Variants in ZFPM2 observed in about 807,000 individuals in gnomAD.
ZFPM2 encodes zinc finger protein ZFPM2.
In ZFPM2, 20 loss-of-function variants were observed where a neutral mutation model predicts 98.6. The observed-to-expected ratio is 0.20, with a 90% CI of 0.14 to 0.29. The LOEUF is 0.29. Ranked by LOEUF, ZFPM2 falls within the 10% of genes least tolerant of loss-of-function variation. The pLI is 1.00. For missense variants in ZFPM2, 1,310 were observed against 1,388.6 expected, an observed-to-expected ratio of 0.94 and a Z score of 0.90; for synonymous variants, 518 against 502.7, an observed-to-expected ratio of 1.03 and a Z score of -0.41.
chr8:105,713,471 T>C (rs1023456808), intron 5 of ZFPM2, among the ~76,000 whole-genome samples: 1 of 152,116 alleles, frequency 6.6e-6, no homozygotes, highest in Non-Finnish European at 1.5e-5. Flanking sequence ...TTCTGTAGGT[T>C]GTTTACCCTG....
At chr8:105,396,175 A>G (rs1811214721) in intron 1 of ZFPM2, among the ~76,000 whole-genome samples, 1 of 152,242 alleles carries the variant, frequency 6.6e-6, no homozygotes, top group African/African-American at 2.4e-5. Context: ...ATGATAGGAA[A>G]CAAAGAAGGA....
Position 105,452,332 on chromosome 8 carries a change from G to A in ZFPM2, c.301+7951G>A, listed in dbSNP as rs544342873. ...ACAGGGTTTTACTGTGTTCTTTCTC[G>A]TTGAACCATAATTCAGCTTAGAATG... On this transcript the variant is annotated intron_variant, in intron 3 of 7. Transcript: ENST00000407775. 2.5e-4 allele frequency among the ~76,000 whole-genome samples: 38 copies of A among 152,214 alleles called. No homozygotes were observed. In the South Asian group the frequency reaches 5.0e-3, roughly 20 times the overall value.
intron 5 of ZFPM2, 36 bp from the exon 6 acceptor site, chr8:105,788,682 T>C (rs1400587300): frequency 6.3e-7 from 1 of 1,599,110 alleles, no homozygotes. Context: ...AAGCATCCTA[T>C]GTCAATTTTA....
chr8:105,437,281 A>G (rs1265516956), intron 2 of ZFPM2, among the ~76,000 whole-genome samples: 1 of 152,194 alleles, frequency 6.6e-6, no homozygotes. Flanking sequence ...TATTTTCAGT[A>G]TCTCTAATTA....
At chr8:105,530,982 G>A (rs1224585507) in intron 3 of ZFPM2, among the ~76,000 whole-genome samples, 2 of 152,126 alleles carry the variant, frequency 1.3e-5, no homozygotes, top group Non-Finnish European at 2.9e-5. Flanking sequence ...TATATTTAAT[G>A]AAGTGTTGAT....
At chr8:105,756,708 A>C (rs1484797542) in intron 5 of ZFPM2, among the ~76,000 whole-genome samples, 1 of 152,144 alleles carries the variant, frequency 6.6e-6, no homozygotes, top group African/African-American at 2.4e-5. Flanking sequence ...GAAAATGCTG[A>C]GTTTGGTAGC....
At chr8:105,724,123 C>G (rs1563537584) in intron 5 of ZFPM2, among the ~76,000 whole-genome samples, 1 of 151,790 alleles carries the variant, frequency 6.6e-6, no homozygotes, top group Non-Finnish European at 1.5e-5. Flanking sequence ...CATATTAGAT[C>G]TATAGGTATT....
At chr8:105,691,031 T>C (rs1262898718) in intron 5 of ZFPM2, 1 of 152,152 alleles carries the variant, frequency 6.6e-6, no homozygotes, top group Admixed American at 6.6e-5. Flanking sequence ...TCTGTCTGAC[T>C]CTAGAGCTCC....
intron 1 of ZFPM2, among the ~76,000 whole-genome samples, chr8:105,380,669 ATATATATTATATATATAT>A (rs1810840809): frequency 4.6e-5 from 1 of 21,784 alleles, no homozygotes; most frequent in Non-Finnish European, 7.4e-5. Flanking sequence ...TATATATAAC[ATATATATTATATATATAT>A]TATATATAAC....
intron 4 of ZFPM2, among the ~76,000 whole-genome samples, chr8:105,592,070 A>G (rs1190697777): frequency 6.6e-6 from 1 of 152,112 alleles, no homozygotes; most frequent in African/African-American, 2.4e-5. Context: ...CCTCTGAAAA[A>G]TGGTTAAATT....
At chr8:105,742,888 A>G (rs2131036440) in intron 5 of ZFPM2, among the ~76,000 whole-genome samples, 1 of 152,250 alleles carries the variant, frequency 6.6e-6, no homozygotes, top group Admixed American at 6.5e-5. Context: ...TCCATCTCAG[A>G]CAAACAAACG....
intron 3 of ZFPM2, among the ~76,000 whole-genome samples, chr8:105,450,617 A>G (rs1052906943): frequency 6.6e-6 from 1 of 152,094 alleles, no homozygotes; most frequent in African/African-American, 2.4e-5. Flanking sequence ...CCGGATGAAG[A>G]TAAGAGCTCT....
At position 105,677,020 on chromosome 8, in the gene ZFPM2, G is replaced by A. The variant is rs1291170672; in HGVS notation, c.532+42663G>A. Among the ~76,000 whole-genome samples, 3 of 152,056 alleles carry A rather than the reference G, an allele frequency of 2.0e-5. No individual in the cohort carries two copies. The East Asian group carries it at 5.8e-4, about 29-fold the overall frequency. ...CAGAAAAAATATTAAAGATGGACTA[G>A]TTTTTCAGTCCAGGTATATTAGATA... On this transcript the variant is annotated intron_variant, in intron 5 of 7. Transcript: ENST00000407775.
At chr8:105,593,395 G>GA (rs1038303591) in intron 4 of ZFPM2, among the ~76,000 whole-genome samples, 10 of 150,242 alleles carry the variant, frequency 6.7e-5, no homozygotes, top group East Asian at 3.9e-4. Context: ...ATAGAATTCT[G>GA]AAAAAAAAAT....
intron 4 of ZFPM2, among the ~76,000 whole-genome samples, chr8:105,582,956 T>G (rs1486251033): frequency 1.3e-5 from 2 of 152,214 alleles, no homozygotes; most frequent in Non-Finnish European, 2.9e-5. Context: ...TGACTGTCTA[T>G]GTTGCTCGTT....
At chr8:105,629,285 G>A (rs549505225) in intron 4 of ZFPM2, among the ~76,000 whole-genome samples, 6 of 152,322 alleles carry the variant, frequency 3.9e-5, no homozygotes, top group Non-Finnish European at 4.4e-5. Context: ...CCCCTGTTGC[G>A]AGTCCTGTGA....
chr8:105,570,107 G>T (rs758136012), intron 4 of ZFPM2, among the ~76,000 whole-genome samples: 3 of 152,026 alleles, frequency 2.0e-5, no homozygotes, highest in Non-Finnish European at 2.9e-5. Context: ...GGAGGTTGTA[G>T]ATTTGTCCCT....
At chr8:105,708,234 T>C (rs977415630) in intron 5 of ZFPM2, among the ~76,000 whole-genome samples, 2 of 152,204 alleles carry the variant, frequency 1.3e-5, no homozygotes, top group African/African-American at 4.8e-5. Context: ...TGGAGAATCA[T>C]CATATTACAT....
At chr8:105,576,856 C>A (rs1291313535) in intron 4 of ZFPM2, among the ~76,000 whole-genome samples, 5 of 152,092 alleles carry the variant, frequency 3.3e-5, no homozygotes, top group Non-Finnish European at 7.4e-5. Context: ...GGACATGTCA[C>A]CCTAACTAAA....
Sources: allele counts gnomAD v4.1 joint callset (sites outside exome capture counted in the v4.1 genomes callset), GRCh38; gene constraint gnomAD v4.1.1; transcripts MANE v1.5; gene names NCBI Gene and HGNC (gene_info 2026-07-23, HGNC 2026-07-21).